Variants in SPTLC1 observed in about 807,000 individuals in gnomAD.
SPTLC1 encodes the protein serine palmitoyltransferase long chain base subunit 1, also known as serine palmitoyltransferase 1.
In SPTLC1, 55 loss-of-function variants were observed where a neutral mutation model predicts 68.9. That is an observed-to-expected ratio of 0.80 (90% CI 0.64 to 1.00). The LOEUF is 1.00. Among genes scored for constraint, SPTLC1 ranks in the 50% least tolerant of loss-of-function variants. The pLI, the probability that SPTLC1 is intolerant of heterozygous loss-of-function variation, is 0.00. For missense variants in SPTLC1, 449 were observed against 573.1 expected (o/e 0.78, Z 2.21); for synonymous variants, 197 against 201.6 (o/e 0.98, Z 0.19).
At position 92,034,875 on chromosome 9, in the gene SPTLC1, G is replaced by A. The variant is rs1294830121; in HGVS notation, c.1263C>T (p.Asn421=). 2.5e-6 allele frequency: 4 copies of A among 1,613,924 alleles called. No individual in the cohort carries two copies. Among genetic ancestry groups the A allele is most frequent in the Non-Finnish European group, 3.4e-6 (4 of 1,179,932 alleles). The change falls in exon 14 of 15, where the codon AAC becomes AAT. Residue 421 remains asparagine (N), a synonymous_variant. Coordinates refer to ENST00000262554, the MANE Select transcript of SPTLC1 (RefSeq NM_006415.4). Reference sequence around the variant, plus strand: ...GCGCCTGAGTTAATGCAATACTTCTGTTCATGCACTGTAGGAAGAAAAAGA... The same window carrying A: ...GCGCCTGAGTTAATGCAATACTTCTATTCATGCACTGTAGGAAGAAAAAGA... ...LLQEIVDQCM[N]RSIALTQARY...
In SPTLC1 at chr9:92,108,833, T is replaced by C; in HGVS notation, c.167A>G (p.Glu56Gly). Residue 56 changes from glutamate (E) to glycine (G), a missense_variant and splice_region_variant, in exon 3 of 15, where the codon GAA (glutamate) becomes GGA (glycine). Physicochemically the swap from Glu to Gly is moderately conservative, Grantham distance 98 (BLOSUM62 -2). Transcript: ENST00000262554. The part of the protein sequence containing the change: ...LQERSDLTVK[E>G]KEELIEEWQP... ...CCACTCTTCAATCAGTTCTTCTTTT[T>C]CCTACAGGAGAAAAAGAATTAAAAT... 6.3e-7 allele frequency: 1 copy of C among 1,592,618 alleles called. No homozygotes were observed. The highest frequency in any genetic ancestry group is 8.6e-7 in the Non-Finnish European group (1 of 1,166,884).
At chr9:92,050,741 G>A (rs1833675829) in intron 8 of SPTLC1, among the ~76,000 whole-genome samples, 1 of 151,132 alleles carries the variant, frequency 6.6e-6, no homozygotes, top group South Asian at 2.1e-4. Context: ...TAAGTAGGGT[G>A]AATGATGAGA....
intron 5 of SPTLC1, chr9:92,079,689 C>T: frequency 2.3e-6 from 2 of 878,630 alleles, no homozygotes; most frequent in East Asian, 4.9e-5. Context: ...AGGGGTTCCG[C>T]TCTCATCAGT....
chr9:92,097,145 T>C (rs752234888), intron 3 of SPTLC1, among the ~76,000 whole-genome samples: 2 of 152,198 alleles, frequency 1.3e-5, no homozygotes, highest in African/African-American at 2.4e-5. Context: ...CTAGGATGGC[T>C]ACAATAAAAT....
chr9:92,034,091 T>C (rs1274836564), intron 14 of SPTLC1, among the ~76,000 whole-genome samples: 2 of 152,130 alleles, frequency 1.3e-5, no homozygotes, highest in African/African-American at 4.8e-5. Context: ...CACCACCTCA[T>C]CTGATGGAAA....
intron 9 of SPTLC1, among the ~76,000 whole-genome samples, chr9:92,049,386 C>T (rs1833629577): frequency 6.6e-6 from 1 of 152,132 alleles, no homozygotes. Context: ...GCACTGCGGG[C>T]AGTCTGGGTC....
intron 3 of SPTLC1, among the ~76,000 whole-genome samples, 156 bp from the exon 4 acceptor site, chr9:92,081,119 T>C (rs1216049389): frequency 2.0e-5 from 3 of 152,208 alleles, no homozygotes; most frequent in South Asian, 4.1e-4. Context: ...TATTAGAGCA[T>C]GGTACATTAA....
intron 2 of SPTLC1, 66 bp downstream of exon 2, chr9:92,112,389 T>C (rs1836279839): frequency 1.7e-6 from 2 of 1,176,866 alleles, no homozygotes; most frequent in African/African-American, 1.5e-5. Flanking sequence ...CCACAAATCC[T>C]TTCTGGAAAG....
intron 12 of SPTLC1, among the ~76,000 whole-genome samples, chr9:92,045,522 A>AGT (rs1184662721): frequency 7.2e-4 from 73 of 100,832 alleles, no homozygotes; most frequent in African/African-American, 2.6e-3. Context: ...ACTCTTGTGT[A>AGT]GTAAAAAAAA....
chr9:92,097,677 G>T (rs1160795421), intron 3 of SPTLC1, among the ~76,000 whole-genome samples: 1 of 152,320 alleles, frequency 6.6e-6, no homozygotes, highest in East Asian at 1.9e-4. Flanking sequence ...GAAGGAGTGG[G>T]AAGTAACTGC....
chr9:92,095,812 T>C (rs1242925622), intron 3 of SPTLC1, among the ~76,000 whole-genome samples: 1 of 152,152 alleles, frequency 6.6e-6, no homozygotes, highest in Non-Finnish European at 1.5e-5. Context: ...AAGGCAAGCC[T>C]AGGCCAGCAG....
At chr9:92,047,764 A>C (rs906251520) in intron 9 of SPTLC1, 56 bp from the exon 10 acceptor site, 100 of 1,232,662 alleles carry the variant, frequency 8.1e-5, no homozygotes, top group Non-Finnish European at 1.2e-4. Context: ...AAAAAGGCCA[A>C]CTTCAAGCCT....
chr9:92,054,263 A>G (rs566822558), intron 8 of SPTLC1, among the ~76,000 whole-genome samples: 14 of 152,316 alleles, frequency 9.2e-5, no homozygotes, highest in Admixed American at 2.0e-4. Flanking sequence ...CCTGGGCAAC[A>G]TAAGTGAAAC....
intron 8 of SPTLC1, chr9:92,050,302 C>T (rs1472752184): frequency 8.7e-6 from 4 of 462,306 alleles, no homozygotes; most frequent in Admixed American, 3.4e-5. Flanking sequence ...TTACCTGACA[C>T]GTGTTTTCCC....
At chr9:92,082,237 A>AT (rs1202114228) in intron 3 of SPTLC1, among the ~76,000 whole-genome samples, 3 of 151,786 alleles carry the variant, frequency 2.0e-5, no homozygotes, top group Non-Finnish European at 2.9e-5. Context: ...TCTCTATTTT[A>AT]TTTTATTTTA....
chr9:92,082,631 G>C (rs1238468659), intron 3 of SPTLC1, among the ~76,000 whole-genome samples: 5 of 151,868 alleles, frequency 3.3e-5, no homozygotes, highest in African/African-American at 1.2e-4. Flanking sequence ...TCTTAATCCA[G>C]TCTATCATTG....
chr9:92,067,431 G>A (rs113061204), intron 6 of SPTLC1, among the ~76,000 whole-genome samples: 2,050 of 152,342 alleles, frequency 0.013, 55 homozygotes, highest in African/African-American at 0.046. Context: ...AGCTGCCTGG[G>A]GCCTGCCAGC....
intron 3 of SPTLC1, chr9:92,105,566 C>T (rs1263563756): frequency 3.6e-5 from 20 of 558,152 alleles, no homozygotes; most frequent in African/African-American, 7.6e-5. Flanking sequence ...CCGGCTGCTC[C>T]ACCATCTGGG....
chr9:92,098,948 T>C (rs1305770107), intron 3 of SPTLC1, among the ~76,000 whole-genome samples: 2 of 152,170 alleles, frequency 1.3e-5, no homozygotes, highest in Non-Finnish European at 2.9e-5. Flanking sequence ...GAATGGAGTT[T>C]TATGCTCCTA....
Sources: allele counts gnomAD v4.1 joint callset (sites outside exome capture counted in the v4.1 genomes callset), GRCh38; gene constraint gnomAD v4.1.1; transcripts MANE v1.5; gene names NCBI Gene and HGNC (gene_info 2026-07-23, HGNC 2026-07-21).